Variants in WDR11 observed in about 807,000 individuals in gnomAD.
The protein encoded by WDR11 is WD repeat-containing protein 11.
Under a neutral mutation model 151.2 loss-of-function variants are expected in WDR11, and 83 were observed. The ratio of observed to expected loss-of-function variants is 0.55; its 90% CI spans 0.46 to 0.66. WDR11 has a LOEUF of 0.66. WDR11 is among the 30% of genes least tolerant of loss of function. The pLI is 0.00. For synonymous variants in WDR11, 484 were observed against 533.1 expected (o/e 0.91, Z 1.27); for missense variants, 1,301 against 1,480.9 (o/e 0.88, Z 1.99).
rs151293542 is a variant in WDR11 at position 120,864,421 on chromosome 10, C to T, written c.714-626C>T. On this transcript the variant is annotated intron_variant, in intron 5 of 28. Coordinates refer to ENST00000263461, the MANE Select transcript of WDR11 (RefSeq NM_018117.12). ...AAGGTCATTGAATGTATGCAACAAT[C>T]ACAAATTATTAAAATGATTTTTCAG... Among the ~76,000 whole-genome samples, 475 of 152,214 alleles carry T rather than the reference C, an allele frequency of 3.1e-3. 2 individuals carry two copies. Among genetic ancestry groups the T allele is most frequent in the African/African-American group, 0.011 (456 of 41,554 alleles).
chr10:120,851,478 A>C lies in WDR11; in HGVS notation c.58A>C (p.Asn20His). Residue 20 changes from asparagine (N) to histidine (H), a missense_variant, in exon 1 of 29, where the codon AAC becomes CAC. Transcript: ENST00000263461. ...GGCGCGCACCCTCACGGGGGCCCTC[A>C]ACGCCCACAACAAGGCGGCGGTGGA... ...VSARTLTGAL[N>H]AHNKAAVDWG... 6.2e-7 allele frequency: 1 copy of C among 1,612,170 alleles called. No individual in the cohort carries two copies. The highest frequency in any genetic ancestry group is 1.7e-4 in the Middle Eastern group (1 of 6,054).
At chr10:120,905,796 G>A (rs1288019466) in intron 26 of WDR11, 80 bp from the exon 27 acceptor site, 1 of 1,612,334 alleles carries the variant, frequency 6.2e-7, no homozygotes, top group Non-Finnish European at 8.5e-7. Flanking sequence ...CATAGAAACA[G>A]ATCTCACTTT....
rs1006320910 is a variant in WDR11 at position 120,873,054 on chromosome 10, T to C, written c.1472-785T>C. On this transcript the variant is annotated intron_variant, in intron 10 of 28. Transcript: ENST00000263461. ...AGCTTTACTTTCTCATGTATGTCCG[T>C]GTCCTTTACATTTAAACTTTAGACA... Among the ~76,000 whole-genome samples, 8 of 152,320 alleles carry C rather than the reference T, an allele frequency of 5.3e-5. No homozygotes were observed. The South Asian group carries it at 1.5e-3, about 28-fold the overall frequency.
Position 120,865,032 on chromosome 10 carries a change from G to A in WDR11, c.714-15G>A, listed in dbSNP as rs753841533. ...AATGAAGTCTTTGACCCAAGTGAAT[G>A]TTTACTTTTTTCAGTGCTGAATTCA... On this transcript the variant is annotated splice_polypyrimidine_tract_variant and intron_variant, in intron 5 of 28. Transcript: ENST00000263461. 3.7e-6 allele frequency: 6 copies of A among 1,613,606 alleles called. No individual in the cohort carries two copies. The highest frequency in any genetic ancestry group is 5.1e-6 in the Non-Finnish European group (6 of 1,179,644).
Position 120,908,845 on chromosome 10 carries a change from A to G in WDR11, c.*132A>G. ...TGAGCTGTTTGACCACTGTTCTAAGACTATGTGTGCCCAAAAGCACATAAG... is the reference window on the plus strand; with the variant it reads ...TGAGCTGTTTGACCACTGTTCTAAGGCTATGTGTGCCCAAAAGCACATAAG... On this transcript the variant is annotated 3_prime_UTR_variant, in exon 29 of 29. Transcript: ENST00000263461. The G allele has an allele frequency of 1.0e-6, 1 of 979,770 alleles. No individual in the cohort carries two copies. Among genetic ancestry groups the G allele is most frequent in the Non-Finnish European group, 1.6e-6 (1 of 626,576 alleles). The allele number at this position is 979,770 out of a possible 1,614,324, so 60.7% of individuals were successfully genotyped here.
At chr10:120,868,671 G>C (rs1054474050) in intron 9 of WDR11, 8 of 152,098 alleles carry the variant, frequency 5.3e-5, no homozygotes, top group African/African-American at 1.7e-4. Flanking sequence ...TCACACAATG[G>C]AAGAGCCCAA....
Position 120,907,510 on chromosome 10 carries a change from T to A in WDR11, c.3517+655T>A. On this transcript the variant is annotated intron_variant, in intron 28 of 28. Coordinates refer to ENST00000263461, the MANE Select transcript of WDR11 (RefSeq NM_018117.12). ...ATGGTCCTGCTGCTGCTCACTGCACTTTGCTTCAAATTCTTACATTTGCTC... is the reference window on the plus strand; with the variant it reads ...ATGGTCCTGCTGCTGCTCACTGCACATTGCTTCAAATTCTTACATTTGCTC... 1.3e-5 allele frequency: 2 copies of A among 152,480 alleles called. 1 individual carries two copies. Among genetic ancestry groups the A allele is most frequent in the East Asian group, 3.9e-4 (2 of 5,190 alleles). 9.4% of individuals were successfully genotyped at this position (152,480 alleles called of 1,614,324 possible). A position where few individuals can be genotyped will look rare whatever the true frequency, so the allele number is the denominator to read the frequency against.
Position 120,906,055 on chromosome 10 carries a change from T to C in WDR11, c.3437+34T>C, listed in dbSNP as rs1848028951. On this transcript the variant is annotated intron_variant, in intron 27 of 28. Transcript: ENST00000263461. ...AGAGTTCACATGGGCTGCTCAGGCC[T>C]GCCCGTGAGCAGTCACTTCATGTTC... The C allele has an allele frequency of 4.3e-6, 7 of 1,612,656 alleles. No homozygotes were observed. In the East Asian group the frequency reaches 1.6e-4, roughly 36 times the overall value.
intron 2 of WDR11, 60 bp downstream of exon 2, chr10:120,852,695 A>T: frequency 5.8e-6 from 8 of 1,373,496 alleles, no homozygotes; most frequent in Non-Finnish European, 8.3e-6. Flanking sequence ...AATACTGTGT[A>T]TCACTAAGCT....
Position 120,878,479 on chromosome 10 carries a change from A to G in WDR11, c.1663+20A>G, listed in dbSNP as rs1193618295. The G allele has an allele frequency of 2.5e-6, 4 of 1,579,810 alleles. No individual in the cohort carries two copies. Among genetic ancestry groups the G allele is most frequent in the East Asian group, 4.5e-5 (2 of 44,562 alleles). ...CAACAGGTTTGTTTTTAAAGATCCA[A>G]ATAGGTTTGTCATATTGAATAAACA... On this transcript the variant is annotated intron_variant, in intron 12 of 28. Transcript: ENST00000263461.
At chr10:120,870,621 T>G (rs567144189) in intron 9 of WDR11, among the ~76,000 whole-genome samples, 68 of 152,324 alleles carry the variant, frequency 4.5e-4, no homozygotes, top group African/African-American at 1.5e-3. Flanking sequence ...TATATTTGTA[T>G]TTGTTTTATA....
At chr10:120,860,496 A>G (rs1415016900) in intron 4 of WDR11, among the ~76,000 whole-genome samples, 1 of 152,242 alleles carries the variant, frequency 6.6e-6, no homozygotes, top group Non-Finnish European at 1.5e-5. Context: ...AAATTAAATC[A>G]GCAAGCTACA....
chr10:120,874,262 G>A (rs1156529399), intron 11 of WDR11, among the ~76,000 whole-genome samples: 5 of 118,778 alleles, frequency 4.2e-5, no homozygotes, highest in African/African-American at 1.3e-4. Context: ...AGCTATTTTT[G>A]TACCAACTAA....
intron 19 of WDR11, among the ~76,000 whole-genome samples, chr10:120,896,759 G>A (rs1264134631): frequency 2.0e-5 from 3 of 152,164 alleles, no homozygotes; most frequent in African/African-American, 7.2e-5. Context: ...CTGATAGAAA[G>A]GGAGATATGG....
intron 13 of WDR11, among the ~76,000 whole-genome samples, chr10:120,882,837 T>G (rs1475220552): frequency 6.6e-6 from 1 of 152,080 alleles, no homozygotes; most frequent in Non-Finnish European, 1.5e-5. Flanking sequence ...CATGCTTATC[T>G]TTTGTTCTTC....
rs781292396 is a variant in WDR11 at position 120,883,752 on chromosome 10, G to T, written c.1740-28G>T. On this transcript the variant is annotated intron_variant, in intron 13 of 28. Coordinates refer to ENST00000263461, the MANE Select transcript of WDR11 (RefSeq NM_018117.12). ...CATGGTGAAATTTTTGCAAAAAGGG[G>T]CTTATTTAGTAATTTTGTTTATTTT... 8 of 1,607,274 alleles carry T rather than the reference G, an allele frequency of 5.0e-6. No homozygotes were observed. The African/African-American group carries it at 8.0e-5, about 16-fold the overall frequency.
chr10:120,867,861 G>A (rs1846369257), intron 9 of WDR11, among the ~76,000 whole-genome samples: 1 of 152,154 alleles, frequency 6.6e-6, no homozygotes, highest in Admixed American at 6.5e-5. Context: ...TTATTTTTAT[G>A]TTGGGGATTC....
intron 19 of WDR11, among the ~76,000 whole-genome samples, chr10:120,897,293 T>A (rs1321446866): frequency 6.6e-6 from 1 of 152,100 alleles, no homozygotes; most frequent in African/African-American, 2.4e-5. Context: ...AAATCACCAC[T>A]TTGCAGCCCC....
In WDR11 at chr10:120,908,648, G is replaced by A. The variant is rs773753236; in HGVS notation, c.3610G>A (p.Gly1204Arg). The A allele has an allele frequency of 1.8e-5, 29 of 1,614,076 alleles. No homozygotes were observed. The highest frequency in any genetic ancestry group is 2.1e-5 in the Non-Finnish European group (25 of 1,180,036). ...QGAVLFASKA[G>R]AAGKDLLNEL... ...AGCAGTTCTCTTTGCTTCAAAAGCCGGAGCAGCTGGCAAAGACTTATTGAA... is the reference window on the plus strand; with the variant it reads ...AGCAGTTCTCTTTGCTTCAAAAGCCAGAGCAGCTGGCAAAGACTTATTGAA... Residue 1204 changes from glycine (G) to arginine (R), a missense_variant, in exon 29 of 29, where the codon GGA becomes AGA. By Grantham distance (125) the Gly-to-Arg change is moderately radical. Transcript: ENST00000263461.
Sources: allele counts gnomAD v4.1 joint callset (sites outside exome capture counted in the v4.1 genomes callset), GRCh38; gene constraint gnomAD v4.1.1; transcripts MANE v1.5; gene names NCBI Gene and HGNC (gene_info 2026-07-23, HGNC 2026-07-21).